Variants in PIK3C2G observed in about 807,000 individuals in gnomAD.
PIK3C2G encodes the protein phosphatidylinositol-4-phosphate 3-kinase catalytic subunit type 2 gamma.
PIK3C2G carries 168 observed loss-of-function variants against 181.1 expected under a neutral mutation model. That is an observed-to-expected ratio of 0.93 (90% CI 0.82 to 1.05). PIK3C2G has a LOEUF of 1.05. Ranked by LOEUF, PIK3C2G falls within the 50% of genes least tolerant of loss-of-function variation. The pLI is 0.00. For synonymous variants in PIK3C2G, 573 were observed against 592.2 expected (o/e 0.97, Z 0.47); for missense variants, 1,869 against 1,732.8 (o/e 1.08, Z -1.40).
At chr12:18,582,377 C>T (rs1227936792) in intron 29 of PIK3C2G, among the ~76,000 whole-genome samples, 1 of 152,042 alleles carries the variant, frequency 6.6e-6, no homozygotes, top group Non-Finnish European at 1.5e-5. Flanking sequence ...TCTTTGCAAC[C>T]CTTGGGTCAG....
At chr12:18,686,489 G>A in the PIK3C2G span, among the ~76,000 whole-genome samples, 1 of 151,106 alleles carries the variant, frequency 6.6e-6, no homozygotes, top group Non-Finnish European at 1.5e-5. Flanking sequence ...TTTAAATTGT[G>A]TTTTCTTCAT....
chr12:18,360,498 G>T (rs1251030510), intron 11 of PIK3C2G, among the ~76,000 whole-genome samples: 1 of 152,046 alleles, frequency 6.6e-6, no homozygotes, highest in Non-Finnish European at 1.5e-5. Flanking sequence ...TTTCTCTATA[G>T]CATTGTTGCA....
chr12:18,373,690 A>T (rs1942231274), intron 13 of PIK3C2G, among the ~76,000 whole-genome samples: 1 of 152,062 alleles, frequency 6.6e-6, no homozygotes, highest in African/African-American at 2.4e-5. Flanking sequence ...TCTACTAAAA[A>T]AATACAAAAA....
chr12:18,443,022 C>A (rs1211745452), intron 18 of PIK3C2G, among the ~76,000 whole-genome samples: 1 of 152,124 alleles, frequency 6.6e-6, no homozygotes, highest in African/African-American at 2.4e-5. Context: ...CAGGCACCCG[C>A]CACCATGCCC....
At chr12:18,264,798 C>G (rs1489882176) in intron 1 of PIK3C2G, among the ~76,000 whole-genome samples, 1 of 152,150 alleles carries the variant, frequency 6.6e-6, no homozygotes, top group Admixed American at 6.5e-5. Flanking sequence ...TGAGAAAACT[C>G]TCTCTGGGCG....
intron 30 of PIK3C2G, chr12:18,607,181 G>A (rs759042427): frequency 2.7e-5 from 14 of 516,296 alleles, no homozygotes; most frequent in South Asian, 2.0e-4. Context: ...TTGAAGAAAG[G>A]TAGAAGTTCA....
chr12:18,567,922 A>G (rs1592604409), intron 29 of PIK3C2G, among the ~76,000 whole-genome samples: 2 of 152,066 alleles, frequency 1.3e-5, no homozygotes, highest in Admixed American at 6.6e-5. Context: ...AATCTTTTCA[A>G]TTTCTAGAGG....
intron 15 of PIK3C2G, among the ~76,000 whole-genome samples, chr12:18,394,057 A>T (rs895028627): frequency 7.9e-5 from 12 of 152,056 alleles, no homozygotes; most frequent in African/African-American, 2.9e-4. Context: ...CTTCAGGGAG[A>T]TGTAAAATAA....
chr12:18,634,868 C>CT lies in PIK3C2G; in HGVS notation c.4183-5552dup, dbSNP rs150855489. Reference sequence around the variant, plus strand: ...TTCACATGGGATGTGAATATCTTCACTTTTTTTTTGCCCATTTAGAGAGAC... The same window carrying CT: ...TTCACATGGGATGTGAATATCTTCACTTTTTTTTTTGCCCATTTAGAGAGAC... On this transcript the variant is annotated intron_variant, in intron 31 of 32. Transcript: ENST00000538779. Among the ~76,000 whole-genome samples, 880 of 151,758 alleles carry CT rather than the reference C, an allele frequency of 5.8e-3. 2 individuals carry two copies. The highest frequency in any genetic ancestry group is 0.014 in the Middle Eastern group (4 of 294).
chr12:18,563,899 T>A (rs1188471747), intron 28 of PIK3C2G, among the ~76,000 whole-genome samples: 1 of 150,802 alleles, frequency 6.6e-6, no homozygotes, highest in Non-Finnish European at 1.5e-5. Context: ...AACTGTAATA[T>A]AAAGCCTATA....
chr12:18,713,740 A>G, the PIK3C2G span: 1 of 152,206 alleles, frequency 6.6e-6, no homozygotes, highest in East Asian at 1.9e-4. Flanking sequence ...TGCTTACCTC[A>G]GAATACAAGT....
At chr12:18,516,261 G>GTTT (rs34294540) in intron 24 of PIK3C2G, among the ~76,000 whole-genome samples, 90 of 138,354 alleles carry the variant, frequency 6.5e-4, no homozygotes, top group African/African-American at 1.6e-3. Flanking sequence ...TTGACTGATG[G>GTTT]TTTTTTTTTT....
intron 1 of PIK3C2G, among the ~76,000 whole-genome samples, chr12:18,265,209 C>T (rs1948430684): frequency 6.6e-6 from 1 of 151,956 alleles, no homozygotes; most frequent in Non-Finnish European, 1.5e-5. Context: ...TGGTTAAATC[C>T]CCTTCTCAAA....
At chr12:18,314,943 A>G (rs1950797848) in intron 6 of PIK3C2G, among the ~76,000 whole-genome samples, 1 of 152,208 alleles carries the variant, frequency 6.6e-6, no homozygotes, top group Admixed American at 6.5e-5. Flanking sequence ...TTGACGATAC[A>G]GTTTCATGCT....
intron 1 of PIK3C2G, among the ~76,000 whole-genome samples, chr12:18,271,641 AC>A (rs1948749314): frequency 6.6e-6 from 1 of 152,086 alleles, no homozygotes; most frequent in Admixed American, 6.6e-5. Context: ...ACTATTCTGT[AC>A]TTTTCTTTTT....
chr12:18,355,800 T>C (rs1410540057), intron 11 of PIK3C2G, among the ~76,000 whole-genome samples: 1 of 152,216 alleles, frequency 6.6e-6, no homozygotes, highest in African/African-American at 2.4e-5. Context: ...GAAATTGTAT[T>C]GTTCTGAGTT....
At chr12:18,591,803 G>A (rs1461656434) in intron 29 of PIK3C2G, among the ~76,000 whole-genome samples, 1 of 151,658 alleles carries the variant, frequency 6.6e-6, no homozygotes, top group African/African-American at 2.4e-5. Flanking sequence ...TGGATTAAAG[G>A]GTAGCAAGAT....
chr12:18,438,585 TA>T (rs1310685517), intron 18 of PIK3C2G, among the ~76,000 whole-genome samples: 1 of 151,902 alleles, frequency 6.6e-6, no homozygotes, highest in Non-Finnish European at 1.5e-5. Context: ...AAAATATTAA[TA>T]CTCAGAGATG....
chr12:18,390,163 G>T (rs761034546), intron 14 of PIK3C2G, among the ~76,000 whole-genome samples: 3 of 152,096 alleles, frequency 2.0e-5, no homozygotes, highest in Admixed American at 6.5e-5. Context: ...TATAACAAAC[G>T]TTAGAGGTTA....
Sources: gnomAD v4.1 joint callset for allele counts (sites outside exome capture counted in the v4.1 genomes callset) on GRCh38, gnomAD v4.1.1 for gene constraint, MANE v1.5 for transcripts, NCBI Gene and HGNC (gene_info 2026-07-23, HGNC 2026-07-21) for gene names.